The following MAPT variants were observed in gnomAD, a reference collection of about 807,000 sequenced individuals.
The protein encoded by MAPT is microtubule associated protein tau.
A neutral mutation model predicts 67.9 loss-of-function variants in MAPT; 34 were observed. The observed-to-expected ratio is 0.50, with a 90% CI of 0.38 to 0.67. MAPT has a LOEUF of 0.67. MAPT is among the 30% of genes least tolerant of loss of function. The probability of loss-of-function intolerance (pLI) is 0.00; values close to 1 mark genes in which losing one functional copy is unlikely to be tolerated. For synonymous variants in MAPT, 456 were observed against 464.5 expected (o/e 0.98, Z 0.23); for missense variants, 881 against 1,115.2 (o/e 0.79, Z 2.99).
intron 1 of MAPT, among the ~76,000 whole-genome samples, chr17:45,911,415 A>G (rs1210451531): frequency 6.6e-6 from 1 of 152,196 alleles, no homozygotes; most frequent in Admixed American, 6.5e-5. Flanking sequence ...GGATCTCTTG[A>G]GCCCAGGAGT....
chr17:45,925,780 A>T (rs566291147), intron 1 of MAPT, among the ~76,000 whole-genome samples: 17 of 152,376 alleles, frequency 1.1e-4, no homozygotes, highest in African/African-American at 3.8e-4. Context: ...ATGTACAAAC[A>T]TATTCATAGT....
At chr17:45,997,109 C>T (rs574397305) in intron 9 of MAPT, among the ~76,000 whole-genome samples, 239 of 152,334 alleles carry the variant, frequency 1.6e-3, no homozygotes, top group Non-Finnish European at 2.8e-3. Flanking sequence ...GGTTGGGTTC[C>T]TCTGGATTCT....
At chr17:45,926,946 T>TATATAC (rs2066375392) in intron 1 of MAPT, among the ~76,000 whole-genome samples, 1 of 108,036 alleles carries the variant, frequency 9.3e-6, no homozygotes, top group African/African-American at 2.7e-5. Flanking sequence ...CACATATATA[T>TATATAC]ACATATATGT....
chr17:46,008,940 G>A (rs558663898), intron 9 of MAPT, among the ~76,000 whole-genome samples: 29 of 152,330 alleles, frequency 1.9e-4, no homozygotes, highest in African/African-American at 6.5e-4. Context: ...GGTGGCTTAC[G>A]CTTGTAATCG....
Position 45,915,391 on chromosome 17 carries a change from GGT to G in MAPT, c.-18+20711_-18+20712del, listed in dbSNP as rs1017286730. ...TGTGTGTGGTGTGTGAGTTGTGTAT[GGT>G]GTGTGCATGAGCATGTGTGTGGGCA... On this transcript the variant is annotated intron_variant, in intron 1 of 12. Coordinates refer to ENST00000262410, the MANE Select transcript of MAPT (RefSeq NM_001377265.1). This position sits in a 1 kb window ranked among gnomAD's most constrained non-coding sequence, Gnocchi z 4.4. Among the ~76,000 whole-genome samples the G allele has an allele frequency of 4.0e-5, 6 of 150,822 alleles. No individual in the cohort carries two copies. Among genetic ancestry groups the G allele is most frequent in the African/African-American group, 1.2e-4 (5 of 41,026 alleles).
At chr17:46,013,228 G>T (rs1005842005) in intron 10 of MAPT, among the ~76,000 whole-genome samples, 39 of 152,204 alleles carry the variant, frequency 2.6e-4, no homozygotes, top group African/African-American at 9.4e-4. Flanking sequence ...GCACCCTCAG[G>T]TGACCCCACA....
chr17:46,010,389 C>G lies in MAPT; in HGVS notation c.2078C>G (p.Pro693Arg). The G allele has an allele frequency of 6.4e-7, 1 of 1,574,190 alleles. No individual in the cohort carries two copies. The highest frequency in any genetic ancestry group is 8.6e-7 in the Non-Finnish European group (1 of 1,158,538). ...CGSKDNIKHV[P>R]GGGSVQIVYK... ...TCAAAGGATAATATCAAACACGTCC[C>G]GGGAGGCGGCAGTGTGAGTACCTTC... Residue 693 changes from proline (P) to arginine (R), a missense_variant, in exon 10 of 13, where the codon CCG (proline) becomes CGG (arginine). Physicochemically the swap from Pro to Arg is moderately radical, Grantham distance 103. Around this residue, in one of 6 missense-constraint regions of MAPT, gnomAD observed 34 missense variants for 51.2 expected, o/e 0.66. Transcript: ENST00000262410. The surrounding 1 kb of genome is among the most constrained non-coding windows in gnomAD (Gnocchi z 4.7).
intron 1 of MAPT, among the ~76,000 whole-genome samples, chr17:45,952,503 G>T (rs1343099973): frequency 2.0e-5 from 3 of 152,174 alleles, no homozygotes; most frequent in Admixed American, 6.5e-5. Flanking sequence ...TAAAAATTTA[G>T]ACTGGGTGCT....
intron 1 of MAPT, among the ~76,000 whole-genome samples, chr17:45,958,446 G>A (rs961597212): frequency 3.9e-5 from 6 of 152,216 alleles, no homozygotes; most frequent in Non-Finnish European, 7.3e-5. Flanking sequence ...GTGGGTCGGC[G>A]CGGCGGCTCA....
chr17:45,990,788 T>G (rs2073999904), intron 7 of MAPT, among the ~76,000 whole-genome samples: 1 of 152,058 alleles, frequency 6.6e-6, no homozygotes, highest in African/African-American at 2.4e-5. Context: ...GTCAGTTTCT[T>G]TTTTGAGTTT....
chr17:45,991,935 C>A (rs1435333216), intron 8 of MAPT, among the ~76,000 whole-genome samples: 1 of 152,108 alleles, frequency 6.6e-6, no homozygotes, highest in East Asian at 1.9e-4. Flanking sequence ...CAGGCACCTG[C>A]CACTATGCCC....
At chr17:45,974,566 C>A in intron 3 of MAPT, 1 of 978,480 alleles carries the variant, frequency 1.0e-6, no homozygotes, top group Non-Finnish European at 1.6e-6. Context: ...GCGTGTTTAT[C>A]CTCCTGTGGG....
In MAPT at chr17:45,983,354, G is replaced by A. The variant is rs377597373; in HGVS notation, c.775G>A (p.Ala259Thr). ...TGAGGACACAGAGGGCGGCCGCCAC[G>A]CCCCTGAGCTGCTCAAGCACCAGCT... ...GPEDTEGGRH[A>T]PELLKHQLLG... The change falls in exon 5 of 13, where the codon GCC (alanine) becomes ACC (threonine). Residue 259 changes from alanine (A) to threonine (T), a missense_variant. Around this residue, in one of 6 missense-constraint regions of MAPT, gnomAD observed 687 missense variants for 766.1 expected, o/e 0.90. Transcript: ENST00000262410. 3.6e-5 allele frequency: 58 copies of A among 1,606,780 alleles called. No individual in the cohort carries two copies. In the Middle Eastern group the frequency reaches 4.9e-4, roughly 14 times the overall value.
intron 9 of MAPT, among the ~76,000 whole-genome samples, chr17:46,005,022 C>G (rs1598359857): frequency 1.3e-5 from 2 of 152,268 alleles, no homozygotes; most frequent in South Asian, 4.1e-4. Flanking sequence ...CTGACCTCGT[C>G]ATCTGCCTGC....
At position 45,996,460 on chromosome 17, in the gene MAPT, C is replaced by T. The variant is rs747831502; in HGVS notation, c.1794C>T (p.Pro598=). Residue 598 remains proline, a synonymous_variant, in exon 9 of 13, where the codon CCC becomes CCT. Transcript: ENST00000262410. This position sits in a 1 kb window ranked among gnomAD's most constrained non-coding sequence, Gnocchi z 4.5. ...GYSSPGSPGT[P]GSRSRTPSLP... is the part of the protein sequence containing the mutation. ...GCAGCCCCGGCTCCCCAGGCACTCC[C>T]GGCAGCCGCTCCCGCACCCCGTCCC... 20 of 1,612,694 alleles carry T rather than the reference C, an allele frequency of 1.2e-5. No individual in the cohort carries two copies. The highest frequency in any genetic ancestry group is 1.7e-4 in the Middle Eastern group (1 of 6,060).
chr17:45,977,848 C>CA (rs1185213054), intron 3 of MAPT: 8 of 160,920 alleles, frequency 5.0e-5, no homozygotes, highest in Non-Finnish European at 9.6e-5. Context: ...TACTAACCCT[C>CA]ACCATCCTTC....
chr17:45,938,645 A>AT (rs113263403), intron 1 of MAPT, among the ~76,000 whole-genome samples: 21,726 of 151,148 alleles, frequency 0.14, 2,127 homozygotes, highest in Middle Eastern at 0.22. Flanking sequence ...TTTAATTAAG[A>AT]TTTTTTTTTC....
intron 1 of MAPT, among the ~76,000 whole-genome samples, chr17:45,918,461 C>T (rs778930574): frequency 2.6e-5 from 4 of 152,080 alleles, no homozygotes; most frequent in Admixed American, 2.0e-4. Flanking sequence ...GAGCCTGGTT[C>T]GGAATCATAG....
At chr17:45,993,230 A>C (rs1351374054) in intron 8 of MAPT, among the ~76,000 whole-genome samples, 3 of 152,206 alleles carry the variant, frequency 2.0e-5, no homozygotes, top group Non-Finnish European at 2.9e-5. Context: ...GGCACCCCCA[A>C]GGATGGCCAT....
Sources: allele counts gnomAD v4.1 joint callset (sites outside exome capture counted in the v4.1 genomes callset), GRCh38; gene constraint gnomAD v4.1.1; regional missense constraint gnomAD v4.1.1; non-coding constraint Gnocchi (gnomAD v3.1); transcripts MANE v1.5; gene names NCBI Gene and HGNC (gene_info 2026-07-23, HGNC 2026-07-21).